The following DYTN variants were observed in gnomAD, a reference collection of about 807,000 sequenced individuals.
DYTN encodes dystrotelin.
In DYTN, 75 loss-of-function variants were observed where a neutral mutation model predicts 69.6. The observed-to-expected ratio is 1.08, with a 90% CI of 0.89 to 1.31. The LOEUF is 1.31. Among genes scored for constraint, DYTN ranks in the 50% most tolerant of loss-of-function variants. DYTN has a pLI of 0.00. For missense variants in DYTN, 726 were observed against 688.4 expected, an observed-to-expected ratio of 1.05 and a Z score of -0.61; for synonymous variants, 252 against 249.1, an observed-to-expected ratio of 1.01 and a Z score of -0.11.
At chr2:206,674,503 T>C (rs932317514) in intron 9 of DYTN, among the ~76,000 whole-genome samples, 18 of 152,010 alleles carry the variant, frequency 1.2e-4, no homozygotes, top group Admixed American at 7.9e-4. Context: ...TAGCAATTGT[T>C]AAAGAAATAA....
Position 206,651,937 on chromosome 2 carries a change from AAG to A in DYTN, c.1634-18_1634-17del. 1 of 1,605,126 alleles carries A rather than the reference AAG, an allele frequency of 6.2e-7. No homozygotes were observed. Among genetic ancestry groups the A allele is most frequent in the Non-Finnish European group, 8.5e-7 (1 of 1,175,100 alleles). On this transcript the variant is annotated splice_polypyrimidine_tract_variant and intron_variant, in intron 11 of 11. Coordinates refer to ENST00000452335, the MANE Select transcript of DYTN (RefSeq NM_001093730.1). The stretch of plus-strand genomic sequence containing the variant: ...GACTCCGGGCCTGAAATCAACAAAC[AAG>A]AGAGTCATTTAGAGAAACATACCGG...
At chr2:206,674,731 A>T (rs1699664743) in intron 9 of DYTN, among the ~76,000 whole-genome samples, 1 of 140,760 alleles carries the variant, frequency 7.1e-6, no homozygotes, top group African/African-American at 2.7e-5. Flanking sequence ...TTTTAGTTGC[A>T]GCAATGCCAG....
intron 2 of DYTN, among the ~76,000 whole-genome samples, chr2:206,709,763 A>C (rs938626922): frequency 3.3e-5 from 5 of 152,198 alleles, no homozygotes; most frequent in African/African-American, 1.2e-4. Context: ...AAATTTCAGA[A>C]ATCATTTTAC....
At chr2:206,711,964 T>C (rs547757150) in intron 1 of DYTN, among the ~76,000 whole-genome samples, 9 of 152,330 alleles carry the variant, frequency 5.9e-5, no homozygotes, top group Middle Eastern at 3.4e-3. Flanking sequence ...AAAAAATAAC[T>C]ATAGAGTAGA....
At chr2:206,666,064 G>C (rs775622911) in intron 9 of DYTN, 35 bp from the exon 10 acceptor site, 1 of 1,605,952 alleles carries the variant, frequency 6.2e-7, no homozygotes, top group East Asian at 2.2e-5. Flanking sequence ...GTTTGGAAGG[G>C]CAAGAGGCCA....
intron 11 of DYTN, among the ~76,000 whole-genome samples, chr2:206,657,021 C>A (rs1266537899): frequency 2.0e-5 from 3 of 152,156 alleles, no homozygotes; most frequent in Admixed American, 6.5e-5. Context: ...CTCGGCTTCC[C>A]AAAGTGCTGG....
intron 9 of DYTN, among the ~76,000 whole-genome samples, chr2:206,666,770 T>TGTGTGTGTGTG (rs1559306505): frequency 7.1e-6 from 1 of 141,060 alleles, no homozygotes; most frequent in Non-Finnish European, 1.5e-5. Flanking sequence ...TGTGTGTGTG[T>TGTGTGTGTGTG]TATCTTAGTG....
intron 3 of DYTN, 138 bp downstream of exon 3, chr2:206,707,164 A>G: frequency 1.9e-6 from 2 of 1,061,756 alleles, no homozygotes; most frequent in East Asian, 5.3e-5. Context: ...CTCCTGAGGA[A>G]TAAATTTGTG....
At chr2:206,666,102 G>T (rs1699569141) in intron 9 of DYTN, 73 bp from the exon 10 acceptor site, 1 of 1,530,294 alleles carries the variant, frequency 6.5e-7, no homozygotes, top group Admixed American at 2.0e-5. Flanking sequence ...CTGGTAAGAT[G>T]TATTCCGGTC....
chr2:206,662,058 A>G (rs1018134225), intron 11 of DYTN, among the ~76,000 whole-genome samples: 3 of 152,236 alleles, frequency 2.0e-5, no homozygotes, highest in Non-Finnish European at 4.4e-5. Flanking sequence ...AGTCAGCCAC[A>G]TAATCACAAG....
At chr2:206,701,274 T>A (rs1470517293) in intron 5 of DYTN, 4 of 152,188 alleles carry the variant, frequency 2.6e-5, no homozygotes, top group Non-Finnish European at 4.4e-5. Flanking sequence ...TGGTAATTAC[T>A]ACCCTTGTTT....
In DYTN at chr2:206,710,458, C is replaced by T. The variant is rs909795055; in HGVS notation, c.94+66G>A. On this transcript the variant is annotated intron_variant, in intron 2 of 11. Coordinates refer to ENST00000452335, the MANE Select transcript of DYTN (RefSeq NM_001093730.1). ...TGCATGGGGGGAGTGTTTGTTTTCT[C>T]TATGAATTTTACATCGCACATCAAG... 2.0e-5 allele frequency: 30 copies of T among 1,466,802 alleles called. No individual in the cohort carries two copies. The Middle Eastern group carries it at 5.1e-4, about 25-fold the overall frequency. The allele number at this position is 1,466,802 out of a possible 1,614,324, so 90.9% of individuals were successfully genotyped here. A position where few individuals can be genotyped will look rare whatever the true frequency, so the allele number is the denominator to read the frequency against.
chr2:206,705,350 G>A (rs1356726450), intron 4 of DYTN, among the ~76,000 whole-genome samples: 1 of 152,090 alleles, frequency 6.6e-6, no homozygotes, highest in African/African-American at 2.4e-5. Context: ...CGCCCGCCTC[G>A]ACCTCCCAAA....
At chr2:206,683,357 T>G (rs1216067182) in intron 9 of DYTN, among the ~76,000 whole-genome samples, 3 of 128,826 alleles carry the variant, frequency 2.3e-5, no homozygotes, top group Non-Finnish European at 4.8e-5. Flanking sequence ...TTTTTTTTTT[T>G]TTTTGAGATG....
At chr2:206,718,114 G>T in intron 1 of DYTN, 147 bp downstream of exon 1, 1 of 747,642 alleles carries the variant, frequency 1.3e-6, no homozygotes, top group Non-Finnish European at 2.0e-6. Context: ...GAGAGAGAAA[G>T]CCACTTTAAT....
Position 206,663,323 on chromosome 2 carries a change from T to C in DYTN, c.1213A>G (p.Thr405Ala), listed in dbSNP as rs1559305352. The change falls in exon 11 of 12, where the codon ACT (threonine) becomes GCT (alanine). Residue 405 changes from threonine (T) to alanine (A), a missense_variant. Physicochemically the swap from Thr to Ala is moderately conservative, Grantham distance 58. Transcript: ENST00000452335. Reference sequence around the variant, plus strand: ...TCCCCTCCCTTTGGAACCTTTTCAGTTGAAGAATGGTCAACCTTGTTCCCC... The same window carrying C: ...TCCCCTCCCTTTGGAACCTTTTCAGCTGAAGAATGGTCAACCTTGTTCCCC... ...NVGNKVDHSS[T>A]EKVPKGGDYL... 2.5e-6 allele frequency: 4 copies of C among 1,613,992 alleles called. No homozygotes were observed. The highest frequency in any genetic ancestry group is 1.3e-5 in the African/African-American group (1 of 75,040).
Position 206,663,130 on chromosome 2 carries a change from G to A in DYTN, c.1406C>T (p.Thr469Ile). Reference protein sequence around the residue: ...TLHSTRAQSQTQKMPQKVISA... With the variant: ...TLHSTRAQSQIQKMPQKVISA... ...AATGACTTTCTGTGGCATCTTTTGT[G>A]TTTGGCTTTGTGCCCTGGTGCTGTG... The change falls in exon 11 of 12, where the codon ACA becomes ATA. Residue 469 changes from threonine to isoleucine, a missense_variant. Transcript: ENST00000452335. 6.2e-7 allele frequency: 1 copy of A among 1,613,906 alleles called. No individual in the cohort carries two copies. Among genetic ancestry groups the A allele is most frequent in the Non-Finnish European group, 8.5e-7 (1 of 1,179,870 alleles).
intron 9 of DYTN, among the ~76,000 whole-genome samples, chr2:206,689,252 T>C (rs551937803): frequency 3.1e-4 from 47 of 152,350 alleles, no homozygotes; most frequent in African/African-American, 1.1e-3. Flanking sequence ...ACCATGCAGA[T>C]AGTTTGCTGA....
At chr2:206,675,624 G>A (rs1392470214) in intron 9 of DYTN, among the ~76,000 whole-genome samples, 1 of 151,958 alleles carries the variant, frequency 6.6e-6, no homozygotes, top group Non-Finnish European at 1.5e-5. Context: ...ATATCACAAA[G>A]ATAAAAGATG....
Sources: gnomAD v4.1 joint callset for allele counts (sites outside exome capture counted in the v4.1 genomes callset) on GRCh38, gnomAD v4.1.1 for gene constraint, MANE v1.5 for transcripts, NCBI Gene and HGNC (gene_info 2026-07-23, HGNC 2026-07-21) for gene names.